Variants in TPRG1 observed in about 807,000 individuals in gnomAD.
The protein encoded by TPRG1 is tumor protein p63-regulated gene 1 protein.
In TPRG1, 29 loss-of-function variants were observed where a neutral mutation model predicts 29.3. That is an observed-to-expected ratio of 0.99 (90% CI 0.74 to 1.35). TPRG1 has a LOEUF of 1.35. Among genes scored for constraint, TPRG1 ranks in the 40% most tolerant of loss-of-function variants. The probability of loss-of-function intolerance (pLI) is 0.00; values close to 1 mark genes in which losing one functional copy is unlikely to be tolerated. For synonymous variants in TPRG1, 130 were observed against 116.8 expected, an observed-to-expected ratio of 1.11 and a Z score of -0.73; for missense variants, 327 against 335.0, an observed-to-expected ratio of 0.98 and a Z score of 0.19.
intron 2 of TPRG1, among the ~76,000 whole-genome samples, chr3:189,128,491 A>G (rs913396805): frequency 6.6e-6 from 1 of 152,224 alleles, no homozygotes; most frequent in Non-Finnish European, 1.5e-5. Context: ...CTGAAATTCA[A>G]ATTTAACTGG....
intron 3 of TPRG1, among the ~76,000 whole-genome samples, chr3:189,219,989 C>T (rs753762282): frequency 3.3e-5 from 5 of 152,148 alleles, no homozygotes; most frequent in Non-Finnish European, 7.3e-5. Flanking sequence ...AAGAGTCAGC[C>T]TGGTGTCATA....
In TPRG1 at chr3:189,066,906, A is replaced by T. The variant is rs981482669; in HGVS notation, c.-463+42960A>T. Among the ~76,000 whole-genome samples, 3 of 152,128 alleles carry T rather than the reference A, an allele frequency of 2.0e-5. No homozygotes were observed. In the South Asian group the frequency reaches 6.2e-4, roughly 31 times the overall value. The stretch of plus-strand genomic sequence containing the variant: ...TCCTTCTTTGTGGATGATACAATCT[A>T]TCATTTGGAAAAACCTAAAGACTCC... On this transcript the variant is annotated intron_variant, in intron 4 of 10. Coordinates refer to the TPRG1 transcript ENST00000433971.
At chr3:189,029,807 G>T (rs1015098666) in intron 4 of TPRG1, among the ~76,000 whole-genome samples, 3 of 152,064 alleles carry the variant, frequency 2.0e-5, no homozygotes, top group South Asian at 2.1e-4. Context: ...ATGAGATTTG[G>T]TTGTTTATTA....
chr3:189,287,571 G>T lies in TPRG1; in HGVS notation c.480-22815G>T, dbSNP rs965870634. 4.0e-5 allele frequency among the ~76,000 whole-genome samples: 6 copies of T among 151,850 alleles called. No homozygotes were observed. The South Asian group carries it at 6.2e-4, about 16-fold the overall frequency. On this transcript the variant is annotated intron_variant, in intron 4 of 5. Coordinates refer to ENST00000345063, the MANE Select transcript of TPRG1 (RefSeq NM_198485.4). ...CACCACCACACCTGGCTAATTTTTT[G>T]TATTTTTAGTAGAGACGGGGTTTCA... is the stretch of plus-strand genomic sequence containing the variant.
chr3:189,068,238 T>C (rs1420955554), intron 4 of TPRG1, among the ~76,000 whole-genome samples: 1 of 152,326 alleles, frequency 6.6e-6, no homozygotes, highest in African/African-American at 2.4e-5. Context: ...AGAGCCACTA[T>C]AGAGAACAGT....
intron 5 of TPRG1, among the ~76,000 whole-genome samples, chr3:189,316,959 C>T (rs150473515): frequency 1.1e-4 from 16 of 152,246 alleles, no homozygotes; most frequent in Middle Eastern, 3.4e-3. Flanking sequence ...CTGCTTGTCT[C>T]TCTGTAACCA....
At chr3:189,094,923 A>T (rs1306860018) in intron 4 of TPRG1, among the ~76,000 whole-genome samples, 1 of 152,164 alleles carries the variant, frequency 6.6e-6, no homozygotes, top group Non-Finnish European at 1.5e-5. Context: ...GAGGAGCAGG[A>T]TGCACAACCG....
chr3:189,315,408 T>A, intron 5 of TPRG1: 1 of 428,576 alleles, frequency 2.3e-6, no homozygotes, highest in Non-Finnish European at 4.7e-6. Flanking sequence ...GGCTCAATTA[T>A]CCTCAATTAT....
chr3:189,294,206 A>G (rs142048383), intron 4 of TPRG1, among the ~76,000 whole-genome samples: 38 of 152,324 alleles, frequency 2.5e-4, no homozygotes, highest in African/African-American at 7.7e-4. Flanking sequence ...ATTGAAGTTT[A>G]AATTTCTGGA....
At chr3:189,110,611 A>T (rs1172498177) in intron 1 of TPRG1, among the ~76,000 whole-genome samples, 1 of 152,040 alleles carries the variant, frequency 6.6e-6, no homozygotes, top group African/African-American at 2.4e-5. Flanking sequence ...CTCTTTGCTT[A>T]TTCCACAGTT....
At chr3:189,072,663 T>A (rs1289386762) in intron 4 of TPRG1, among the ~76,000 whole-genome samples, 1 of 152,176 alleles carries the variant, frequency 6.6e-6, no homozygotes, top group Non-Finnish European at 1.5e-5. Context: ...TGTAGTGATA[T>A]GCTTTTAGAT....
intron 4 of TPRG1, among the ~76,000 whole-genome samples, chr3:189,065,554 TA>T (rs537982013): frequency 3.4e-4 from 48 of 142,642 alleles, no homozygotes; most frequent in East Asian, 4.0e-4. Flanking sequence ...GTCCAAAAGC[TA>T]AAAAAAAAAG....
At chr3:189,237,095 A>T (rs1739606243) in intron 3 of TPRG1, among the ~76,000 whole-genome samples, 1 of 152,230 alleles carries the variant, frequency 6.6e-6, no homozygotes, top group Non-Finnish European at 1.5e-5. Context: ...TTACAGAGTT[A>T]GTAAGTGATA....
At chr3:189,152,045 A>G (rs1411303279) in intron 5 of TPRG1, among the ~76,000 whole-genome samples, 2 of 152,136 alleles carry the variant, frequency 1.3e-5, no homozygotes, top group African/African-American at 4.8e-5. Flanking sequence ...GTCTGGATTG[A>G]GCAGATGTGC....
chr3:188,999,308 T>C (rs779813486), intron 1 of TPRG1, among the ~76,000 whole-genome samples: 19 of 152,142 alleles, frequency 1.2e-4, no homozygotes, highest in Non-Finnish European at 2.5e-4. Flanking sequence ...CCTTGACTTC[T>C]GGTGCGAGTC....
chr3:189,126,591 T>C (rs1251939205), intron 1 of TPRG1, among the ~76,000 whole-genome samples: 2 of 152,198 alleles, frequency 1.3e-5, no homozygotes, highest in Non-Finnish European at 2.9e-5. Context: ...AAGAGTGTGG[T>C]TTTTTGGGGC....
intron 5 of TPRG1, among the ~76,000 whole-genome samples, chr3:189,158,053 G>A (rs1401075785): frequency 3.9e-5 from 6 of 152,144 alleles, no homozygotes; most frequent in South Asian, 4.1e-4. Flanking sequence ...CGGGGAGCAC[G>A]TTTATCAAAC....
intron 4 of TPRG1, among the ~76,000 whole-genome samples, chr3:189,308,587 A>G (rs182497868): frequency 3.3e-4 from 50 of 152,316 alleles, no homozygotes; most frequent in Non-Finnish European, 5.3e-4. Context: ...GAAGTATACT[A>G]TATCTCTGAG....
chr3:189,110,934 T>C (rs959710414), intron 1 of TPRG1, among the ~76,000 whole-genome samples: 4 of 151,568 alleles, frequency 2.6e-5, no homozygotes, highest in African/African-American at 9.7e-5. Flanking sequence ...ATAATAGATA[T>C]ATAAAACCTT....
Sources: allele counts gnomAD v4.1 joint callset (sites outside exome capture counted in the v4.1 genomes callset), GRCh38; gene constraint gnomAD v4.1.1; transcripts MANE v1.5; gene names NCBI Gene and HGNC (gene_info 2026-07-23, HGNC 2026-07-21).